Variants in NPHP4 observed in about 807,000 individuals in gnomAD.
The protein encoded by NPHP4 is nephrocystin 4, also known as nephrocystin-4.
NPHP4 carries 151 observed loss-of-function variants against 155.8 expected under a neutral mutation model. The observed-to-expected ratio is 0.97, with a 90% confidence interval of 0.85 to 1.11. NPHP4 has a LOEUF of 1.11. Among genes scored for constraint, NPHP4 ranks in the 50% least tolerant of loss-of-function variants. NPHP4 has a pLI of 0.00. For missense variants in NPHP4, 1,956 were observed against 1,925.7 expected, an observed-to-expected ratio of 1.02 and a Z score of -0.29; for synonymous variants, 845 against 816.8, an observed-to-expected ratio of 1.03 and a Z score of -0.59.
In NPHP4 at chr1:5,896,275, CA is replaced by C. The variant is rs113877270; in HGVS notation, c.2144-5248del. On this transcript the variant is annotated intron_variant, in intron 16 of 29. Transcript: ENST00000378156. ...TCAACTTTCAACCATGTAAATAGTCCAAAAAAATTAAAAAGGAAAGCAAACA... is the reference window on the plus strand; with the variant it reads ...TCAACTTTCAACCATGTAAATAGTCCAAAAAATTAAAAAGGAAAGCAAACA... Among the ~76,000 whole-genome samples the C allele has an allele frequency of 3.3e-3, 499 of 151,854 alleles. 3 individuals carry two copies. Among genetic ancestry groups the C allele is most frequent in the African/African-American group, 0.011 (471 of 41,404 alleles).
At chr1:5,981,331 C>G (rs1325268272) in intron 2 of NPHP4, among the ~76,000 whole-genome samples, 2 of 152,186 alleles carry the variant, frequency 1.3e-5, no homozygotes, top group African/African-American at 4.8e-5. Flanking sequence ...CCACTGAGAG[C>G]TTCCTGAAGA....
At chr1:5,887,784 C>A (rs1430616641) in intron 17 of NPHP4, among the ~76,000 whole-genome samples, 2 of 152,224 alleles carry the variant, frequency 1.3e-5, no homozygotes, top group Admixed American at 1.3e-4. Context: ...CTGGAGGATC[C>A]TCCCCTCCAC....
chr1:5,868,146 A>G (rs2100479509), intron 23 of NPHP4: 2 of 625,638 alleles, frequency 3.2e-6, no homozygotes, highest in East Asian at 3.0e-5. Flanking sequence ...CCACACTGCC[A>G]TTATTCCTCG....
chr1:5,989,658 A>G (rs1433262179), intron 1 of NPHP4, among the ~76,000 whole-genome samples: 1 of 152,330 alleles, frequency 6.6e-6, no homozygotes, highest in East Asian at 1.9e-4. Context: ...ATGTATTCAC[A>G]CACAATGCAG....
At chr1:5,972,696 A>G (rs1469669280) in intron 3 of NPHP4, among the ~76,000 whole-genome samples, 2 of 152,112 alleles carry the variant, frequency 1.3e-5, no homozygotes, top group Non-Finnish European at 2.9e-5. Context: ...CAAATGAATC[A>G]AGTCAGGAGG....
At chr1:5,963,962 A>G (rs1650861675) in intron 5 of NPHP4, among the ~76,000 whole-genome samples, 2 of 152,166 alleles carry the variant, frequency 1.3e-5, no homozygotes. Flanking sequence ...TGCTGGGATT[A>G]CAGGCGTGAA....
chr1:5,923,641 T>G (rs371351144), intron 11 of NPHP4, among the ~76,000 whole-genome samples: 1 of 152,248 alleles, frequency 6.6e-6, no homozygotes, highest in Non-Finnish European at 1.5e-5. Context: ...TCATTCTTCA[T>G]GGGACACCGG....
intron 11 of NPHP4, among the ~76,000 whole-genome samples, chr1:5,913,151 C>CA (rs34163161): frequency 0.015 from 1,209 of 81,670 alleles, 19 homozygotes; most frequent in African/African-American, 0.039. Context: ...GACTCCATCT[C>CA]AAAAAAAAAA....
chr1:5,875,579 A>C (rs1235857184), intron 20 of NPHP4, among the ~76,000 whole-genome samples: 2 of 152,246 alleles, frequency 1.3e-5, no homozygotes, highest in Non-Finnish European at 2.9e-5. Flanking sequence ...CCAGGCAAGC[A>C]GCACGCTGCC....
chr1:5,933,704 C>G (rs1318523618), intron 9 of NPHP4, among the ~76,000 whole-genome samples: 1 of 152,198 alleles, frequency 6.6e-6, no homozygotes, highest in East Asian at 1.9e-4. Context: ...CTTGCCAACA[C>G]CAACTCAAAT....
rs1315666826 is a variant in NPHP4 at position 5,863,977 on chromosome 1, G to C, written c.4053C>G (p.Thr1351=). 6.2e-7 allele frequency: 1 copy of C among 1,613,862 alleles called. No homozygotes were observed. Among genetic ancestry groups the C allele is most frequent in the Non-Finnish European group, 8.5e-7 (1 of 1,179,804 alleles). The change falls in exon 29 of 30, where the codon ACC becomes ACG. Residue 1351 remains threonine (T), a synonymous_variant. Transcript: ENST00000378156. ...TCCGGGAGGGGTAGGGGTTGGTGTA[G>C]GTGATCCTCTTGTTGACACCCTTCC... ...GEGKGVNKRI[T]YTNPYPSRRT... is the part of the protein sequence containing the mutation.
At chr1:5,887,931 A>AGGGGAGGCAGAGAAGGCC (rs1553162791) in intron 17 of NPHP4, among the ~76,000 whole-genome samples, 1 of 152,196 alleles carries the variant, frequency 6.6e-6, no homozygotes, top group Non-Finnish European at 1.5e-5. Context: ...CAGAGAGGGC[A>AGGGGAGGCAGAGAAGGCC]GGGGAGGCAG....
chr1:5,891,468 C>T (rs968298700), intron 16 of NPHP4, among the ~76,000 whole-genome samples: 1 of 152,224 alleles, frequency 6.6e-6, no homozygotes, highest in South Asian at 2.1e-4. Context: ...GGACACCCAG[C>T]AGCCCCTCTC....
In NPHP4 at chr1:5,874,890, C is replaced by T. The variant is rs200166175; in HGVS notation, c.3028G>A (p.Asp1010Asn). ...AGACCTCACCTGAGCTCGGGGTTGT[C>T]GATCTCCACAGTCACCGTGTGCTGT... ...NTQHTVTVEIDNPELSVIVDS... is the reference protein window; with the variant it reads ...NTQHTVTVEINNPELSVIVDS... Residue 1010 changes from aspartate (D) to asparagine (N), a missense_variant, in exon 21 of 30, where the codon GAC (aspartate) becomes AAC (asparagine). Asp to Asn is a conservative substitution (Grantham distance 23). Coordinates refer to ENST00000378156, the MANE Select transcript of NPHP4 (RefSeq NM_015102.5). The T allele has an allele frequency of 1.2e-4, 196 of 1,613,432 alleles. No individual in the cohort carries two copies. Among genetic ancestry groups the T allele is most frequent in the Non-Finnish European group, 8.4e-5 (99 of 1,179,752 alleles).
At chr1:5,873,112 G>A (rs1002877892) in intron 23 of NPHP4, 140 bp downstream of exon 23, 1 of 727,540 alleles carries the variant, frequency 1.4e-6, no homozygotes, top group African/African-American at 1.8e-5. Context: ...CACGGAAAAG[G>A]CCATTCCCAG....
chr1:5,939,294 T>C (rs1225882951), intron 9 of NPHP4, among the ~76,000 whole-genome samples: 3 of 152,228 alleles, frequency 2.0e-5, no homozygotes. Flanking sequence ...GGGTAATAGG[T>C]TCATAAAGCC....
At chr1:5,914,853 G>A (rs768460977) in intron 11 of NPHP4, among the ~76,000 whole-genome samples, 6 of 152,142 alleles carry the variant, frequency 3.9e-5, no homozygotes, top group Admixed American at 6.5e-5. Context: ...GAACGGGGTC[G>A]TGAATGCGGT....
At chr1:5,936,279 C>T (rs1230311944) in intron 9 of NPHP4, among the ~76,000 whole-genome samples, 1 of 152,192 alleles carries the variant, frequency 6.6e-6, no homozygotes, top group South Asian at 2.1e-4. Context: ...CGAATGGGGG[C>T]CTGGTGGGAA....
chr1:5,926,058 C>T (rs1353540088), intron 11 of NPHP4, among the ~76,000 whole-genome samples: 1 of 152,158 alleles, frequency 6.6e-6, no homozygotes, highest in African/African-American at 2.4e-5. Context: ...GAAATGCATG[C>T]ATGCCTACCA....
Sources: gnomAD v4.1 joint callset for allele counts (sites outside exome capture counted in the v4.1 genomes callset) on GRCh38, gnomAD v4.1.1 for gene constraint, MANE v1.5 for transcripts, NCBI Gene and HGNC (gene_info 2026-07-23, HGNC 2026-07-21) for gene names.